Variants in TTC39B observed in about 807,000 individuals in gnomAD.
TTC39B encodes tetratricopeptide repeat protein 39B.
TTC39B carries 92 observed loss-of-function variants against 96.6 expected under a neutral mutation model. The observed-to-expected ratio is 0.95, with a 90% confidence interval of 0.80 to 1.13. The LOEUF (loss-of-function observed/expected upper bound fraction) is 1.13. TTC39B is among the 50% of genes most tolerant of loss of function. The pLI is 0.00. For missense variants in TTC39B, 955 were observed against 809.3 expected (o/e 1.18, Z -2.18); for synonymous variants, 367 against 299.4 (o/e 1.23, Z -2.33).
At chr9:15,298,668 T>G (rs675849) in intron 1 of TTC39B, among the ~76,000 whole-genome samples, 1 of 152,062 alleles carries the variant, frequency 6.6e-6, no homozygotes, top group Non-Finnish European at 1.5e-5. Flanking sequence ...ATGTGAGCTA[T>G]GACTCAAGAT....
chr9:15,232,677 C>A (rs908290559), intron 2 of TTC39B, among the ~76,000 whole-genome samples: 18 of 152,306 alleles, frequency 1.2e-4, no homozygotes, highest in Non-Finnish European at 2.5e-4. Context: ...CTTTAAAAAA[C>A]AAAAACAGAG....
At chr9:15,191,583 T>A (rs1199995703) in intron 9 of TTC39B, among the ~76,000 whole-genome samples, 1 of 152,212 alleles carries the variant, frequency 6.6e-6, no homozygotes, top group Non-Finnish European at 1.5e-5. Context: ...CTTAGTTTCC[T>A]TTCCCAGAAG....
At chr9:15,261,749 C>G (rs1419486056) in intron 2 of TTC39B, among the ~76,000 whole-genome samples, 4 of 152,152 alleles carry the variant, frequency 2.6e-5, no homozygotes, top group African/African-American at 9.7e-5. Flanking sequence ...ATCTCCCAAC[C>G]AAAAGATAGC....
chr9:15,247,762 C>CA (rs928195303), intron 2 of TTC39B, among the ~76,000 whole-genome samples: 48 of 139,042 alleles, frequency 3.5e-4, no homozygotes, highest in African/African-American at 1.1e-3. Context: ...GGGCATGAGG[C>CA]AAAAAAAAAC....
intron 2 of TTC39B, among the ~76,000 whole-genome samples, chr9:15,251,730 T>G (rs1822559988): frequency 7.7e-6 from 1 of 129,034 alleles, no homozygotes. Context: ...TATATATATA[T>G]ATATATGTAG....
chr9:15,252,512 G>A (rs956912805), intron 2 of TTC39B, among the ~76,000 whole-genome samples: 14 of 152,288 alleles, frequency 9.2e-5, no homozygotes, highest in African/African-American at 3.1e-4. Context: ...GCCGGCCGTG[G>A]TGGCTTATGC....
chr9:15,191,794 C>T (rs1036554607), intron 9 of TTC39B, among the ~76,000 whole-genome samples: 1 of 152,274 alleles, frequency 6.6e-6, no homozygotes, highest in Non-Finnish European at 1.5e-5. Flanking sequence ...TATGCTGATT[C>T]AGGGGATGTA....
chr9:15,253,613 C>T (rs1822644570), intron 2 of TTC39B, among the ~76,000 whole-genome samples: 3 of 152,190 alleles, frequency 2.0e-5, no homozygotes, highest in African/African-American at 4.8e-5. Flanking sequence ...AGCAGCCTGA[C>T]GGACCTGTAT....
chr9:15,202,033 T>C (rs572859820), intron 7 of TTC39B, among the ~76,000 whole-genome samples: 1 of 152,266 alleles, frequency 6.6e-6, no homozygotes, highest in South Asian at 2.1e-4. Flanking sequence ...GCACTTCTTC[T>C]AGAACAATGA....
intron 1 of TTC39B, among the ~76,000 whole-genome samples, chr9:15,276,329 T>C (rs1480443328): frequency 6.6e-6 from 1 of 152,154 alleles, no homozygotes; most frequent in Non-Finnish European, 1.5e-5. Context: ...TTCCTTAGTA[T>C]CCCTATAGAA....
chr9:15,184,767 G>C (rs1289823749), intron 16 of TTC39B, among the ~76,000 whole-genome samples: 2 of 152,034 alleles, frequency 1.3e-5, no homozygotes, highest in Non-Finnish European at 2.9e-5. Context: ...TCTAAGACTT[G>C]GTTCAATATG....
chr9:15,251,054 G>C (rs765173918), intron 2 of TTC39B, among the ~76,000 whole-genome samples: 4 of 152,042 alleles, frequency 2.6e-5, no homozygotes, highest in Admixed American at 6.5e-5. Flanking sequence ...AAATTAGCTG[G>C]GTGTGGTGGC....
intron 1 of TTC39B, among the ~76,000 whole-genome samples, chr9:15,294,607 T>C (rs1321020197): frequency 6.6e-6 from 1 of 152,316 alleles, no homozygotes; most frequent in East Asian, 1.9e-4. Context: ...TGCTCTCTTT[T>C]GTGTGAAGTG....
chr9:15,200,077 C>A, intron 7 of TTC39B, 152 bp from the exon 8 acceptor site: 1 of 486,138 alleles, frequency 2.1e-6, no homozygotes, highest in Non-Finnish European at 3.7e-6. Flanking sequence ...CATACTCTTG[C>A]TTTACATTTA....
At chr9:15,210,238 T>C in intron 5 of TTC39B, 74 bp from the exon 6 acceptor site, 1 of 999,198 alleles carries the variant, frequency 1.0e-6, no homozygotes, top group South Asian at 1.5e-5. Context: ...TCATTTGACG[T>C]TCATTTCAGT....
At chr9:15,283,343 G>T (rs940521074) in intron 1 of TTC39B, among the ~76,000 whole-genome samples, 2 of 152,164 alleles carry the variant, frequency 1.3e-5, no homozygotes, top group Admixed American at 1.3e-4. Flanking sequence ...CTGTCACTAT[G>T]GAGATATACA....
intron 8 of TTC39B, among the ~76,000 whole-genome samples, chr9:15,194,473 G>A (rs1338070882): frequency 6.6e-6 from 1 of 152,124 alleles, no homozygotes; most frequent in Non-Finnish European, 1.5e-5. Flanking sequence ...AAGTCCATGT[G>A]TGTGCACACA....
chr9:15,250,973 A>G (rs1822509406), intron 2 of TTC39B, among the ~76,000 whole-genome samples: 1 of 151,686 alleles, frequency 6.6e-6, no homozygotes, highest in East Asian at 2.0e-4. Context: ...TGAGGGGGGC[A>G]GATCACAAGG....
chr9:15,226,385 G>A (rs537760248), intron 2 of TTC39B, among the ~76,000 whole-genome samples: 35 of 152,230 alleles, frequency 2.3e-4, no homozygotes, highest in Middle Eastern at 3.4e-3. Flanking sequence ...ATGGTATACA[G>A]TATAATGGAT....
Sources: gnomAD v4.1 joint callset for allele counts (sites outside exome capture counted in the v4.1 genomes callset) on GRCh38, gnomAD v4.1.1 for gene constraint, MANE v1.5 for transcripts, NCBI Gene and HGNC (gene_info 2026-07-23, HGNC 2026-07-21) for gene names.